Variants in TMCC1 observed in about 807,000 individuals in gnomAD.
The protein encoded by TMCC1 is transmembrane and coiled-coil domains protein 1.
A neutral mutation model predicts 52.4 loss-of-function variants in TMCC1; 15 were observed. That is an observed-to-expected ratio of 0.29 (90% confidence interval 0.19 to 0.44). The LOEUF (loss-of-function observed/expected upper bound fraction) is 0.44, where lower values mean the gene tolerates loss of function less well. TMCC1 is among the 20% of genes least tolerant of loss of function. The pLI, the probability that TMCC1 is intolerant of heterozygous loss-of-function variation, is 1.00. For synonymous variants in TMCC1, 279 were observed against 301.9 expected, an observed-to-expected ratio of 0.92 and a Z score of 0.79; for missense variants, 503 against 806.0, an observed-to-expected ratio of 0.62 and a Z score of 4.55.
intron 4 of TMCC1, among the ~76,000 whole-genome samples, chr3:129,737,285 T>G (rs959741320): frequency 3.3e-5 from 5 of 151,604 alleles, no homozygotes; most frequent in African/African-American, 1.2e-4. Flanking sequence ...ACCAGTCTGG[T>G]CTGGCCAACA....
intron 4 of TMCC1, among the ~76,000 whole-genome samples, chr3:129,717,069 T>C (rs1349130791): frequency 6.6e-6 from 1 of 152,260 alleles, no homozygotes; most frequent in East Asian, 1.9e-4. Flanking sequence ...AATAAACTTC[T>C]TGACTCCATT....
intron 5 of TMCC1, among the ~76,000 whole-genome samples, chr3:129,660,081 G>A (rs1189020519): frequency 6.6e-6 from 1 of 152,184 alleles, no homozygotes; most frequent in Non-Finnish European, 1.5e-5. Flanking sequence ...AAGATTGCTT[G>A]TTGACTGCCA....
At chr3:129,729,442 T>C (rs1297109214) in intron 4 of TMCC1, among the ~76,000 whole-genome samples, 1 of 152,228 alleles carries the variant, frequency 6.6e-6, no homozygotes, top group Non-Finnish European at 1.5e-5. Context: ...GACCATGTAT[T>C]ATATAGGGTT....
Position 129,843,046 on chromosome 3 carries a change from T to C in TMCC1, c.-183-10220A>G, listed in dbSNP as rs116907884. Among the ~76,000 whole-genome samples, 166 of 152,002 alleles carry C rather than the reference T, an allele frequency of 1.1e-3. 1 individual carries two copies. The East Asian group carries it at 0.027, about 25-fold the overall frequency. On this transcript the variant is annotated intron_variant, in intron 2 of 6. Coordinates refer to ENST00000393238, the MANE Select transcript of TMCC1 (RefSeq NM_001017395.5). ...TTGGCACAGTAAAAAAAGAACAAAT[T>C]ATAACTAAAACAGAAGGAGGCCAGG...
At chr3:129,731,648 T>TA (rs1037436988) in intron 4 of TMCC1, among the ~76,000 whole-genome samples, 1 of 151,700 alleles carries the variant, frequency 6.6e-6, no homozygotes, top group African/African-American at 2.4e-5. Flanking sequence ...TTTTTTTTTT[T>TA]AAACAGGCGT....
chr3:129,688,797 C>T, intron 4 of TMCC1: 1 of 970,162 alleles, frequency 1.0e-6, no homozygotes, highest in Non-Finnish European at 1.2e-6. Context: ...CAGCTGTGAG[C>T]ATCTTTTATA....
chr3:129,818,358 G>C (rs972723700), intron 4 of TMCC1, among the ~76,000 whole-genome samples: 1 of 151,702 alleles, frequency 6.6e-6, no homozygotes, highest in African/African-American at 2.4e-5. Context: ...AACTTTTAAA[G>C]AACAGTTTCA....
At chr3:129,682,551 G>A (rs2089081000) in intron 4 of TMCC1, among the ~76,000 whole-genome samples, 1 of 152,096 alleles carries the variant, frequency 6.6e-6, no homozygotes, top group South Asian at 2.1e-4. Context: ...GGATATAGCA[G>A]TTCTGTAGAT....
At chr3:129,718,836 T>G (rs2049320917) in intron 4 of TMCC1, among the ~76,000 whole-genome samples, 1 of 152,194 alleles carries the variant, frequency 6.6e-6, no homozygotes, top group Non-Finnish European at 1.5e-5. Context: ...ATATATAAAA[T>G]ATGTGTTAAC....
At chr3:129,848,144 TAA>T (rs1359830302) in intron 2 of TMCC1, among the ~76,000 whole-genome samples, 2 of 152,330 alleles carry the variant, frequency 1.3e-5, no homozygotes, top group African/African-American at 2.4e-5. Context: ...TTTCAAAGAT[TAA>T]AAGTTTTTAA....
chr3:129,781,810 A>T (rs1369987340), intron 4 of TMCC1, among the ~76,000 whole-genome samples: 1 of 152,192 alleles, frequency 6.6e-6, no homozygotes, highest in Admixed American at 6.5e-5. Flanking sequence ...AAATGTGTTA[A>T]GCAAGAACGG....
At chr3:129,701,249 A>G (rs2047805451) in intron 4 of TMCC1, among the ~76,000 whole-genome samples, 1 of 152,222 alleles carries the variant, frequency 6.6e-6, no homozygotes, top group Admixed American at 6.5e-5. Flanking sequence ...GTCACTGAAA[A>G]CAGAGAACAG....
At chr3:129,875,977 T>C (rs368036453) in intron 2 of TMCC1, among the ~76,000 whole-genome samples, 3 of 151,852 alleles carry the variant, frequency 2.0e-5, no homozygotes, top group South Asian at 2.1e-4. Flanking sequence ...CTATTAAAAA[T>C]ACAAAAAACT....
intron 4 of TMCC1, among the ~76,000 whole-genome samples, chr3:129,776,665 T>C (rs1198263654): frequency 1.3e-5 from 2 of 152,222 alleles, no homozygotes; most frequent in Admixed American, 1.3e-4. Context: ...TCTCGCTCTA[T>C]CACCCAGGTT....
intron 4 of TMCC1, among the ~76,000 whole-genome samples, chr3:129,757,082 A>G (rs2053079142): frequency 6.6e-6 from 1 of 152,166 alleles, no homozygotes; most frequent in South Asian, 2.1e-4. Context: ...CATTGACCCA[A>G]AGCCCACAAC....
chr3:129,654,945 T>A (rs761343085), intron 6 of TMCC1, 23 bp downstream of exon 6: 3 of 1,611,720 alleles, frequency 1.9e-6, no homozygotes, highest in Non-Finnish European at 2.5e-6. Context: ...ATTTTGCATT[T>A]ACACCTTTTC....
chr3:129,672,100 T>C (rs911411956), intron 4 of TMCC1, among the ~76,000 whole-genome samples: 1 of 152,204 alleles, frequency 6.6e-6, no homozygotes, highest in Admixed American at 6.5e-5. Context: ...AATCCTTTCA[T>C]GTGGGTGAGA....
At chr3:129,869,786 G>C (rs889250562) in intron 2 of TMCC1, among the ~76,000 whole-genome samples, 1 of 152,172 alleles carries the variant, frequency 6.6e-6, no homozygotes, top group African/African-American at 2.4e-5. Context: ...ATGCTGTCAA[G>C]AACAGTTGCC....
intron 4 of TMCC1, among the ~76,000 whole-genome samples, chr3:129,696,676 T>TGTAAAATAAAAAGCAA (rs1299421187): frequency 6.6e-6 from 1 of 152,194 alleles, no homozygotes; most frequent in African/African-American, 2.4e-5. Context: ...CCTATGAGCC[T>TGTAAAATAAAAAGCAA]GTAAAATAAA....
Sources: gnomAD v4.1 joint callset for allele counts (sites outside exome capture counted in the v4.1 genomes callset) on GRCh38, gnomAD v4.1.1 for gene constraint, MANE v1.5 for transcripts, NCBI Gene and HGNC (gene_info 2026-07-23, HGNC 2026-07-21) for gene names.